The following EPAS1 variants were observed in gnomAD, a reference collection of about 807,000 sequenced individuals.
The protein encoded by EPAS1 is endothelial PAS domain-containing protein 1.
EPAS1 carries 23 observed loss-of-function variants against 87.9 expected under a neutral mutation model. The ratio of observed to expected loss-of-function variants is 0.26; its 90% CI spans 0.19 to 0.37. The LOEUF (loss-of-function observed/expected upper bound fraction) is 0.37. EPAS1 is among the 10% of genes least tolerant of loss of function. The pLI, the probability that EPAS1 is intolerant of heterozygous loss-of-function variation, is 1.00. For missense variants in EPAS1, 1,138 were observed against 1,120.7 expected (o/e 1.02, Z -0.22); for synonymous variants, 508 against 444.3 (o/e 1.14, Z -1.80).
chr2:46,311,220 A>C (rs1683206810), intron 1 of EPAS1, among the ~76,000 whole-genome samples: 1 of 152,002 alleles, frequency 6.6e-6, no homozygotes, highest in South Asian at 2.1e-4. Context: ...GTAATCAATA[A>C]ATGCTTGTAA....
rs1247255295 is a variant in EPAS1 at position 46,380,995 on chromosome 2, C to T, written c.2045+278C>T. Among the ~76,000 whole-genome samples, 1 of 152,186 alleles carries T rather than the reference C, an allele frequency of 6.6e-6. No homozygotes were observed. The highest frequency in any genetic ancestry group is 1.9e-4 in the East Asian group (1 of 5,198). ...TCCCTTCGGACCACCACCAGAGTGC[C>T]TTTCGTATCTCGGTTCATCATCTGA... On this transcript the variant is annotated intron_variant, in intron 12 of 15. Transcript: ENST00000263734. This position sits in a 1 kb window ranked among gnomAD's most constrained non-coding sequence, Gnocchi z 4.4.
chr2:46,302,118 CTGTGTGTGTGTG>C (rs35880089), intron 1 of EPAS1, among the ~76,000 whole-genome samples: 13 of 127,578 alleles, frequency 1.0e-4, no homozygotes, highest in African/African-American at 2.6e-4. Context: ...CTCTTTCTCT[CTGTGTGTGTGTG>C]TGTGTGTGTG....
chr2:46,312,719 A>G (rs1274525003), intron 1 of EPAS1, among the ~76,000 whole-genome samples: 1 of 152,160 alleles, frequency 6.6e-6, no homozygotes, highest in Non-Finnish European at 1.5e-5. Flanking sequence ...ACTAATAATG[A>G]TTTTTGGGTA....
At position 46,343,826 on chromosome 2, in the gene EPAS1, C is replaced by T. The variant is rs1225690250; in HGVS notation, c.27-3047C>T. Among the ~76,000 whole-genome samples the T allele has an allele frequency of 2.0e-5, 3 of 152,244 alleles. No homozygotes were observed. In the East Asian group the frequency reaches 5.8e-4, roughly 29 times the overall value. On this transcript the variant is annotated intron_variant, in intron 1 of 15. Transcript: ENST00000263734. ...GCCTAGGAAGAGCAGGGTTCTAGCC[C>T]TAGCTCTGCCACTGATTAGCTGGGT...
intron 9 of EPAS1, among the ~76,000 whole-genome samples, chr2:46,377,324 C>A (rs1002128808): frequency 4.6e-4 from 70 of 152,232 alleles, no homozygotes; most frequent in African/African-American, 1.6e-3. Flanking sequence ...CCCTCGGCTG[C>A]TCCAATCCTG....
intron 6 of EPAS1, among the ~76,000 whole-genome samples, chr2:46,362,608 TATC>T (rs1684416038): frequency 6.6e-6 from 1 of 152,186 alleles, no homozygotes; most frequent in African/African-American, 2.4e-5. Context: ...ACTTTTCTCT[TATC>T]AGCTGGACAT....
chr2:46,375,218 G>A lies in EPAS1; in HGVS notation c.887-472G>A, dbSNP rs1684718428. Among the ~76,000 whole-genome samples, 1 of 150,562 alleles carries A rather than the reference G, an allele frequency of 6.6e-6. No homozygotes were observed. The highest frequency in any genetic ancestry group is 2.4e-5 in the African/African-American group (1 of 41,094). On this transcript the variant is annotated intron_variant, in intron 7 of 15. Coordinates refer to ENST00000263734, the MANE Select transcript of EPAS1 (RefSeq NM_001430.5). The surrounding 1 kb of genome is among the most constrained non-coding windows in gnomAD (Gnocchi z 4.1). ...AAAAAAACAAAAAAAACTGCCCTGA[G>A]GTCAGGCTTTCTCCAGGCTGCTTAG...
intron 1 of EPAS1, among the ~76,000 whole-genome samples, chr2:46,312,537 C>A (rs954096880): frequency 3.9e-5 from 6 of 152,076 alleles, no homozygotes; most frequent in Non-Finnish European, 8.8e-5. Context: ...AAAGGGCAGA[C>A]CTTCAAGGCA....
At position 46,381,538 on chromosome 2, in the gene EPAS1, G is replaced by A. The variant is rs188903289; in HGVS notation, c.2046-58G>A. ...CTGGAAGGGCCCCTAAGATGAGAAG[G>A]CACTGAGTGGCATGTGGCTCCAGAC... On this transcript the variant is annotated intron_variant, in intron 12 of 15. Coordinates refer to ENST00000263734, the MANE Select transcript of EPAS1 (RefSeq NM_001430.5). 4.3e-6 allele frequency: 7 copies of A among 1,613,194 alleles called. No homozygotes were observed. The Admixed American group carries it at 1.0e-4, about 23-fold the overall frequency.
rs944084820 is a variant in EPAS1, at chr2:46,380,125, AAC to A, written c.1555-100_1555-99del. 5.7e-6 allele frequency: 9 copies of A among 1,576,794 alleles called. No individual in the cohort carries two copies. In the African/African-American group the frequency reaches 1.2e-4, roughly 21 times the overall value. On this transcript the variant is annotated intron_variant, in intron 11 of 15. Coordinates refer to ENST00000263734, the MANE Select transcript of EPAS1 (RefSeq NM_001430.5). The surrounding 1 kb of genome is among the most constrained non-coding windows in gnomAD (Gnocchi z 4.4). ...TGGAGGCGTTTGAGCAGCACTGTGA[AAC>A]AGTGCTTGAGATGAATGGCTCTGCA... is the stretch of plus-strand genomic sequence containing the variant.
intron 4 of EPAS1, among the ~76,000 whole-genome samples, chr2:46,358,616 A>T (rs565371392): frequency 2.0e-5 from 3 of 152,184 alleles, no homozygotes; most frequent in Non-Finnish European, 1.5e-5. Flanking sequence ...ATGGTATTGG[A>T]CTAGGCAAAG....
chr2:46,303,425 A>T (rs149589705), intron 1 of EPAS1, among the ~76,000 whole-genome samples: 1 of 152,220 alleles, frequency 6.6e-6, no homozygotes, highest in African/African-American at 2.4e-5. Context: ...GTACTTCGAC[A>T]CCATACACAG....
rs1685029029 is a variant in EPAS1 at position 46,386,539 on chromosome 2, A to G, written c.*1879A>G. The G allele has an allele frequency of 6.6e-6, 1 of 152,668 alleles. No homozygotes were observed. Among genetic ancestry groups the G allele is most frequent in the Non-Finnish European group, 1.5e-5 (1 of 68,044 alleles). The allele number at this position is 152,668 out of a possible 1,614,324, so 9.5% of individuals were successfully genotyped here. On this transcript the variant is annotated 3_prime_UTR_variant, in exon 16 of 16. Coordinates refer to ENST00000263734, the MANE Select transcript of EPAS1 (RefSeq NM_001430.5). Reference sequence around the variant, plus strand: ...CAGTTTTACTAAAACACTGAAAAATATTCCAAGCTTCATATTAACCCTACC... The same window carrying G: ...CAGTTTTACTAAAACACTGAAAAATGTTCCAAGCTTCATATTAACCCTACC...
intron 1 of EPAS1, among the ~76,000 whole-genome samples, chr2:46,328,178 T>A (rs1404083851): frequency 6.6e-6 from 1 of 151,746 alleles, no homozygotes; most frequent in Admixed American, 6.6e-5. Flanking sequence ...GCCAAAAGAG[T>A]GGTGTAGACA....
intron 1 of EPAS1, among the ~76,000 whole-genome samples, chr2:46,323,164 C>T (rs1181959059): frequency 6.6e-6 from 1 of 152,148 alleles, no homozygotes; most frequent in Non-Finnish European, 1.5e-5. Flanking sequence ...GGGCCGTTAC[C>T]CTTGAAAAGT....
chr2:46,382,215 G>A, intron 14 of EPAS1, 126 bp downstream of exon 14: 2 of 1,070,336 alleles, frequency 1.9e-6, no homozygotes, highest in South Asian at 1.3e-5. Flanking sequence ...GTTAGAATGG[G>A]GCGATGTCCT....
rs561038731 is a variant in EPAS1, at chr2:46,358,688, G to A, written c.454+1880G>A. On this transcript the variant is annotated intron_variant, in intron 4 of 15. Coordinates refer to ENST00000263734, the MANE Select transcript of EPAS1 (RefSeq NM_001430.5). The stretch of plus-strand genomic sequence containing the variant: ...AGCCAAGTGACCTCTAATTATCTGA[G>A]TAGAACTTTAGATCTCTTGATCTGC... Among the ~76,000 whole-genome samples the A allele has an allele frequency of 3.9e-5, 6 of 152,346 alleles. No homozygotes were observed. The East Asian group carries it at 5.8e-4, about 15-fold the overall frequency.
rs1684034559 is a variant in EPAS1 at position 46,346,721 on chromosome 2, T to C, written c.27-152T>C. The C allele has an allele frequency of 6.6e-6, 5 of 758,104 alleles. No individual in the cohort carries two copies. Among genetic ancestry groups the C allele is most frequent in the Non-Finnish European group, 9.0e-6 (4 of 446,414 alleles). The allele number at this position is 758,104 out of a possible 1,614,324, so 47.0% of individuals were successfully genotyped here. On this transcript the variant is annotated intron_variant, in intron 1 of 15. Coordinates refer to ENST00000263734, the MANE Select transcript of EPAS1 (RefSeq NM_001430.5). The surrounding 1 kb of genome is among the most constrained non-coding windows in gnomAD (Gnocchi z 4.0). ...AGCAGAGCTAACAATACAAAGCAGG[T>C]TGTGTGTGGCTCAGACAACTGGTGT...
At chr2:46,332,310 G>GTGTGTGTT (rs1683699465) in intron 1 of EPAS1, among the ~76,000 whole-genome samples, 1 of 138,658 alleles carries the variant, frequency 7.2e-6, no homozygotes, top group African/African-American at 2.6e-5. Context: ...GTGTGTGTGT[G>GTGTGTGTT]TGTGTGTGTG....
Sources: gnomAD v4.1 joint callset for allele counts (sites outside exome capture counted in the v4.1 genomes callset) on GRCh38, gnomAD v4.1.1 for gene constraint, Gnocchi (gnomAD v3.1) non-coding constraint, MANE v1.5 for transcripts, NCBI Gene and HGNC (gene_info 2026-07-23, HGNC 2026-07-21) for gene names.